The following DAAM2 variants were observed in gnomAD, a reference collection of about 807,000 sequenced individuals.
DAAM2 encodes the protein disheveled-associated activator of morphogenesis 2.
Under a neutral mutation model 120.7 loss-of-function variants are expected in DAAM2, and 39 were observed. That is an observed-to-expected ratio of 0.32 (90% CI 0.25 to 0.42). The LOEUF is 0.42. DAAM2 is among the 10% of genes least tolerant of loss of function. DAAM2 has a pLI of 1.00. For missense variants in DAAM2, 1,283 were observed against 1,401.7 expected, an observed-to-expected ratio of 0.92 and a Z score of 1.35; for synonymous variants, 488 against 524.9, an observed-to-expected ratio of 0.93 and a Z score of 0.96.
chr6:39,865,709 T>C (rs1468116939), intron 5 of DAAM2, among the ~76,000 whole-genome samples: 1 of 152,250 alleles, frequency 6.6e-6, no homozygotes, highest in African/African-American at 2.4e-5. Flanking sequence ...TGTCAAATTT[T>C]CAGCAATTTT....
At position 39,878,410 on chromosome 6, in the gene DAAM2, T is replaced by G. The variant is rs895070643; in HGVS notation, c.1367T>G (p.Met456Arg). Residue 456 changes from methionine (M) to arginine (R), a missense_variant, in exon 13 of 25, where the codon ATG becomes AGG. Met to Arg is a moderately conservative substitution (Grantham distance 91). Around this residue, in one of 3 missense-constraint regions of DAAM2, gnomAD observed 338 missense variants for 443.9 expected, o/e 0.76. Transcript: ENST00000274867. This position sits in a 1 kb window ranked among gnomAD's most constrained non-coding sequence, Gnocchi z 5.0. ...CGTCCCACCCCCATTCCAGAACACATGGAGCTTGTGAGCCGTCTGGAGAGG... is the reference window on the plus strand; with the variant it reads ...CGTCCCACCCCCATTCCAGAACACAGGGAGCTTGTGAGCCGTCTGGAGAGG... ...DQAEKFRKEH[M>R]ELVSRLERKE... 3 of 1,611,802 alleles carry G rather than the reference T, an allele frequency of 1.9e-6. No individual in the cohort carries two copies. Among genetic ancestry groups the G allele is most frequent in the Admixed American group, 1.7e-5 (1 of 59,698 alleles).
chr6:39,846,339 C>A (rs559203625), intron 1 of DAAM2, among the ~76,000 whole-genome samples: 143 of 152,272 alleles, frequency 9.4e-4, no homozygotes, highest in African/African-American at 3.4e-3. Context: ...ATTCAAACAG[C>A]ATCATTTAAC....
At chr6:39,819,557 G>A (rs538182742) in intron 1 of DAAM2, 71 of 152,244 alleles carry the variant, frequency 4.7e-4, no homozygotes, top group African/African-American at 1.5e-3. Flanking sequence ...AGATTTTAGT[G>A]CTAGGTGCTA....
chr6:39,830,267 C>T (rs1267218915), intron 1 of DAAM2, among the ~76,000 whole-genome samples: 3 of 152,126 alleles, frequency 2.0e-5, no homozygotes, highest in East Asian at 1.9e-4. Flanking sequence ...TTTCTGGGTC[C>T]GTCATGGAGA....
chr6:39,843,862 T>C (rs776749453), intron 1 of DAAM2, among the ~76,000 whole-genome samples: 14 of 152,076 alleles, frequency 9.2e-5, no homozygotes, highest in African/African-American at 2.9e-4. Flanking sequence ...AAGTGCACCA[T>C]AGGAGGTGCT....
At chr6:39,893,398 G>C (rs1765862892) in intron 19 of DAAM2, among the ~76,000 whole-genome samples, 1 of 152,108 alleles carries the variant, frequency 6.6e-6, no homozygotes, top group Non-Finnish European at 1.5e-5. Flanking sequence ...GGCACCTGTA[G>C]TCCCAGCTAT....
intron 17 of DAAM2, among the ~76,000 whole-genome samples, chr6:39,890,135 G>GA (rs1334314521): frequency 1.4e-4 from 20 of 145,488 alleles, no homozygotes; most frequent in Middle Eastern, 3.4e-3. Flanking sequence ...CAAAAAAAAA[G>GA]AAAAAAAATC....
intron 5 of DAAM2, 25 bp from the exon 6 acceptor site, chr6:39,867,485 G>A: frequency 6.2e-7 from 1 of 1,607,718 alleles, no homozygotes; most frequent in South Asian, 1.1e-5. Context: ...GCAAATATAT[G>A]TTTGTTAATG....
At chr6:39,821,903 T>C (rs574904450) in intron 1 of DAAM2, 1 of 152,420 alleles carries the variant, frequency 6.6e-6, no homozygotes, top group East Asian at 1.9e-4. Flanking sequence ...CCAATTCCTC[T>C]TCTTCCTATA....
chr6:39,889,633 G>A (rs3003947), intron 17 of DAAM2, among the ~76,000 whole-genome samples: 67,049 of 151,976 alleles, frequency 0.44, 15,461 homozygotes, highest in Middle Eastern at 0.54. Flanking sequence ...GGGGGCTGGA[G>A]GCATTGACCC....
At chr6:39,862,648 A>T (rs574938860) in intron 3 of DAAM2, 1 of 152,158 alleles carries the variant, frequency 6.6e-6, no homozygotes, top group Admixed American at 6.6e-5. Flanking sequence ...TACTAAAAAA[A>T]TACAAAACTA....
At chr6:39,840,146 G>C (rs1338908347) in intron 1 of DAAM2, among the ~76,000 whole-genome samples, 5 of 152,198 alleles carry the variant, frequency 3.3e-5, no homozygotes, top group African/African-American at 9.7e-5. Flanking sequence ...AGGATCGCTT[G>C]AGTCTGGGAG....
chr6:39,904,236 G>A lies in DAAM2; in HGVS notation c.*2199G>A, dbSNP rs1379375272. On this transcript the variant is annotated 3_prime_UTR_variant, in exon 25 of 25. Transcript: ENST00000274867. ...AACTGTTGACAGAGGACACAAATAC[G>A]TTGTTCCAGAGCTCAGCCTTCTCAC... The A allele has an allele frequency of 2.4e-5, 11 of 456,738 alleles. No homozygotes were observed. The highest frequency in any genetic ancestry group is 3.1e-5 in the South Asian group (2 of 64,572). The allele number at this position is 456,738 out of a possible 1,614,324, so 28.3% of individuals were successfully genotyped here.
At position 39,879,227 on chromosome 6, in the gene DAAM2, C is replaced by G. The variant is rs2149330772; in HGVS notation, c.1595C>G (p.Ser532Cys). 6.5e-7 allele frequency: 1 copy of G among 1,550,320 alleles called. No homozygotes were observed. Residue 532 changes from serine (S) to cysteine (C), a missense_variant, in exon 14 of 25, where the codon TCT becomes TGT. Coordinates refer to ENST00000274867, the MANE Select transcript of DAAM2 (RefSeq NM_001201427.2). The part of the protein sequence containing the change: ...PPPPGGPLTL[S>C]SSMTTNDLPP... Reference sequence around the variant, plus strand: ...CCCCCTGGGGGCCCACTCACCTTGTCTTCCTCAATGACAACCAATGACCTG... The same window carrying G: ...CCCCCTGGGGGCCCACTCACCTTGTGTTCCTCAATGACAACCAATGACCTG...
Position 39,807,193 on chromosome 6 carries a change from A to G in DAAM2, c.-57+14728A>G, listed in dbSNP as rs537771760. ...TGGAATACTATAGAACACAGCAAAA[A>G]AAAAAAAAAGGGTGCTAGACATTGT... is the stretch of plus-strand genomic sequence containing the variant. On this transcript the variant is annotated intron_variant, in intron 1 of 24. Transcript: ENST00000274867. Among the ~76,000 whole-genome samples the G allele has an allele frequency of 8.5e-5, 13 of 152,242 alleles. No homozygotes were observed. In the East Asian group the frequency reaches 2.5e-3, roughly 29 times the overall value.
At chr6:39,870,997 T>G (rs973298876) in intron 8 of DAAM2, among the ~76,000 whole-genome samples, 1 of 152,158 alleles carries the variant, frequency 6.6e-6, no homozygotes, top group Non-Finnish European at 1.5e-5. Flanking sequence ...AGTGGATGTG[T>G]GCATGAGGAT....
At chr6:39,882,217 G>A (rs918473274) in intron 14 of DAAM2, 1 of 152,186 alleles carries the variant, frequency 6.6e-6, no homozygotes, top group Non-Finnish European at 1.5e-5. Context: ...GTGTCAACAT[G>A]TAGGGAATAT....
chr6:39,794,805 A>T (rs1189236909), intron 1 of DAAM2, among the ~76,000 whole-genome samples: 1 of 152,306 alleles, frequency 6.6e-6, no homozygotes, highest in Non-Finnish European at 1.5e-5. Flanking sequence ...AGGCTTTCTT[A>T]TTTGATTTTA....
intron 10 of DAAM2, among the ~76,000 whole-genome samples, chr6:39,874,457 T>C (rs1309099696): frequency 6.6e-6 from 1 of 152,236 alleles, no homozygotes; most frequent in Admixed American, 6.5e-5. Context: ...TAGAAATCTC[T>C]GGGAAACCTG....
Sources: allele counts gnomAD v4.1 joint callset (sites outside exome capture counted in the v4.1 genomes callset), GRCh38; gene constraint gnomAD v4.1.1; regional missense constraint gnomAD v4.1.1; non-coding constraint Gnocchi (gnomAD v3.1); transcripts MANE v1.5; gene names NCBI Gene and HGNC (gene_info 2026-07-23, HGNC 2026-07-21).